The following GALNTL6 variants were observed in gnomAD, a reference collection of about 807,000 sequenced individuals.
The protein encoded by GALNTL6 is polypeptide N-acetylgalactosaminyltransferase like 6.
Under a neutral mutation model 73.7 loss-of-function variants are expected in GALNTL6, and 46 were observed. That is an observed-to-expected ratio of 0.62 (90% CI 0.49 to 0.80). GALNTL6 has a LOEUF of 0.80. Ranked by LOEUF, GALNTL6 falls within the 30% of genes least tolerant of loss-of-function variation. The pLI is 0.00. For synonymous variants in GALNTL6, 259 were observed against 263.7 expected (o/e 0.98, Z 0.17); for missense variants, 604 against 755.0 (o/e 0.80, Z 2.34).
At chr4:172,113,589 C>A (rs1732913219) in intron 2 of GALNTL6, among the ~76,000 whole-genome samples, 2 of 152,020 alleles carry the variant, frequency 1.3e-5, no homozygotes, top group South Asian at 4.1e-4. Flanking sequence ...GTGAATGCTG[C>A]TTTGAATTAA....
chr4:172,352,752 C>T (rs950373093), intron 5 of GALNTL6, among the ~76,000 whole-genome samples: 9 of 152,022 alleles, frequency 5.9e-5, no homozygotes, highest in Admixed American at 4.6e-4. Context: ...GCTGTATACC[C>T]GAGTATGCAC....
At chr4:172,251,505 C>T in intron 3 of GALNTL6, among the ~76,000 whole-genome samples, 1 of 152,122 alleles carries the variant, frequency 6.6e-6, no homozygotes, top group Non-Finnish European at 1.5e-5. Context: ...CCAGGGAAAG[C>T]CTGCATATCA....
chr4:172,207,145 C>G (rs1736165897), intron 2 of GALNTL6, among the ~76,000 whole-genome samples: 1 of 151,954 alleles, frequency 6.6e-6, no homozygotes, highest in Non-Finnish European at 1.5e-5. Flanking sequence ...AGTCTTACAA[C>G]GTTAGGTCAT....
chr4:172,591,040 A>G (rs1013935630), intron 5 of GALNTL6, among the ~76,000 whole-genome samples: 215 of 152,296 alleles, frequency 1.4e-3, no homozygotes, highest in African/African-American at 4.9e-3. Context: ...CAACTAACAG[A>G]TTTAGGAAAC....
intron 2 of GALNTL6, among the ~76,000 whole-genome samples, chr4:171,913,520 A>G (rs1428819767): frequency 1.3e-5 from 2 of 152,202 alleles, no homozygotes. Flanking sequence ...CACACTAAAC[A>G]ATTTTTATTC....
chr4:172,546,329 G>A (rs572502052), intron 5 of GALNTL6, among the ~76,000 whole-genome samples: 142 of 152,116 alleles, frequency 9.3e-4, no homozygotes, highest in African/African-American at 3.2e-3. Context: ...CTAGTTGAAG[G>A]GATATGATGT....
chr4:172,584,427 A>C (rs1737325009), intron 5 of GALNTL6, among the ~76,000 whole-genome samples: 2 of 152,244 alleles, frequency 1.3e-5, no homozygotes, highest in South Asian at 4.1e-4. Context: ...GGCAGGGGTC[A>C]GATCTCAGAG....
intron 3 of GALNTL6, among the ~76,000 whole-genome samples, chr4:172,235,917 C>T (rs1246324653): frequency 6.6e-6 from 1 of 152,058 alleles, no homozygotes; most frequent in Non-Finnish European, 1.5e-5. Context: ...TTTCATTTTC[C>T]GTTTCTGGGT....
chr4:172,226,573 G>GTC (rs1269485227), intron 2 of GALNTL6, among the ~76,000 whole-genome samples: 10 of 103,962 alleles, frequency 9.6e-5, no homozygotes, highest in African/African-American at 2.7e-4. Flanking sequence ...GTGTGTGTGT[G>GTC]TGTGTGTCTG....
At chr4:173,011,980 T>G (rs934872504) in intron 11 of GALNTL6, among the ~76,000 whole-genome samples, 2 of 152,206 alleles carry the variant, frequency 1.3e-5, no homozygotes, top group African/African-American at 4.8e-5. Flanking sequence ...CAAAGCTCAC[T>G]GCAGCCTCAA....
chr4:172,143,807 T>C (rs546126566), intron 2 of GALNTL6, among the ~76,000 whole-genome samples: 39 of 152,274 alleles, frequency 2.6e-4, no homozygotes, highest in African/African-American at 9.1e-4. Context: ...CAGTAGTTCA[T>C]ATCTTCAAGT....
At chr4:172,441,437 G>A (rs1478490199) in intron 5 of GALNTL6, among the ~76,000 whole-genome samples, 1 of 152,078 alleles carries the variant, frequency 6.6e-6, no homozygotes, top group South Asian at 2.1e-4. Flanking sequence ...GTCATTCACA[G>A]AATTAAGCAT....
intron 4 of GALNTL6, among the ~76,000 whole-genome samples, chr4:172,320,108 A>G (rs969664431): frequency 6.6e-6 from 1 of 152,134 alleles, no homozygotes; most frequent in Non-Finnish European, 1.5e-5. Flanking sequence ...GTCTTGGGTA[A>G]TCATAGTACA....
intron 2 of GALNTL6, among the ~76,000 whole-genome samples, chr4:171,894,108 C>A (rs1315572169): frequency 2.0e-5 from 3 of 152,086 alleles, no homozygotes; most frequent in African/African-American, 7.2e-5. Context: ...GTAAAATAAT[C>A]GGATGTAGTA....
At chr4:171,854,180 G>A (rs373861771) in intron 2 of GALNTL6, among the ~76,000 whole-genome samples, 2 of 152,060 alleles carry the variant, frequency 1.3e-5, no homozygotes, top group East Asian at 1.9e-4. Flanking sequence ...ACAGGGAAGC[G>A]GGCAGTGTTC....
At chr4:172,176,337 C>CAAAAAAAAAAAAAAAAA (rs562300659) in intron 2 of GALNTL6, among the ~76,000 whole-genome samples, 430 of 31,364 alleles carry the variant, frequency 0.014, 163 homozygotes, top group African/African-American at 0.029. Context: ...GACTCCGTCT[C>CAAAAAAAAAAAAAAAAA]AAAAAAAAAA....
At chr4:171,866,073 C>A (rs1006255837) in intron 2 of GALNTL6, among the ~76,000 whole-genome samples, 4 of 151,786 alleles carry the variant, frequency 2.6e-5, no homozygotes, top group Admixed American at 6.6e-5. Context: ...AATAAAGGAC[C>A]CTAATAATGG....
intron 5 of GALNTL6, among the ~76,000 whole-genome samples, chr4:172,754,968 C>T (rs920730026): frequency 1.3e-5 from 2 of 152,124 alleles, no homozygotes; most frequent in South Asian, 2.1e-4. Context: ...CTTGTGTCAT[C>T]GCAGGACATA....
At position 172,507,595 on chromosome 4, in the gene GALNTL6, A is replaced by G. The variant is rs183132225; in HGVS notation, c.553+158906A>G. ...TCTCTGCAAAACATGGCTCGATTCT[A>G]TTCATTTAGATCTCAGCTTATCTAT... On this transcript the variant is annotated intron_variant, in intron 5 of 12. Transcript: ENST00000506823. Among the ~76,000 whole-genome samples, 29 of 54,426 alleles carry G rather than the reference A, an allele frequency of 5.3e-4. 11 individuals are homozygous for G. Among genetic ancestry groups the G allele is most frequent in the African/African-American group, 1.3e-3 (29 of 21,714 alleles). The allele number at this position is 54,426 out of a possible 152,430, so 35.7% of individuals were successfully genotyped here.
Sources: allele counts gnomAD v4.1 joint callset (sites outside exome capture counted in the v4.1 genomes callset), GRCh38; gene constraint gnomAD v4.1.1; transcripts MANE v1.5; gene names NCBI Gene and HGNC (gene_info 2026-07-23, HGNC 2026-07-21).